The following PLGRKT variants were observed in gnomAD, a reference collection of about 807,000 sequenced individuals.
PLGRKT encodes plasminogen receptor with a C-terminal lysine.
Under a neutral mutation model 18.5 loss-of-function variants are expected in PLGRKT, and 22 were observed. The ratio of observed to expected loss-of-function variants is 1.19; its 90% CI spans 0.85 to 1.70. The LOEUF (loss-of-function observed/expected upper bound fraction) is 1.70, where lower values mean the gene tolerates loss of function less well. Ranked by LOEUF, PLGRKT falls within the 40% of genes most tolerant of loss-of-function variation. The pLI, the probability that PLGRKT is intolerant of heterozygous loss-of-function variation, is 0.00. For missense variants in PLGRKT, 235 were observed against 174.4 expected (o/e 1.35, Z -1.96); for synonymous variants, 72 against 52.8 (o/e 1.36, Z -1.58).
intron 3 of PLGRKT, among the ~76,000 whole-genome samples, chr9:5,368,015 G>A (rs1817432559): frequency 6.6e-6 from 1 of 152,112 alleles, no homozygotes; most frequent in Non-Finnish European, 1.5e-5. Flanking sequence ...TCAGGAAAAT[G>A]TGAATCAAAA....
chr9:5,361,288 C>T, intron 4 of PLGRKT, 101 bp from the exon 5 acceptor site: 1 of 642,114 alleles, frequency 1.6e-6, no homozygotes, highest in Non-Finnish European at 2.7e-6. Context: ...TGGAAGAATG[C>T]CTTTTCCTTC....
chr9:5,405,085 C>T (rs1277442909), intron 3 of PLGRKT, among the ~76,000 whole-genome samples: 1 of 152,032 alleles, frequency 6.6e-6, no homozygotes, highest in Non-Finnish European at 1.5e-5. Context: ...AGTGAAGGAC[C>T]TCTTCAATGA....
At chr9:5,365,589 G>C (rs1441871958) in intron 3 of PLGRKT, among the ~76,000 whole-genome samples, 1 of 152,118 alleles carries the variant, frequency 6.6e-6, no homozygotes, top group Non-Finnish European at 1.5e-5. Context: ...GAGACAAGAA[G>C]ACTAAATGTC....
intron 3 of PLGRKT, among the ~76,000 whole-genome samples, chr9:5,411,825 C>T (rs142901510): frequency 3.3e-4 from 51 of 152,242 alleles, no homozygotes; most frequent in African/African-American, 1.2e-3. Context: ...TTAAAATAGA[C>T]TTAAACAAAT....
At chr9:5,387,721 A>G (rs1424871435) in intron 3 of PLGRKT, among the ~76,000 whole-genome samples, 1 of 151,814 alleles carries the variant, frequency 6.6e-6, no homozygotes, top group Non-Finnish European at 1.5e-5. Context: ...GTACACAGGA[A>G]TAAACATCTG....
intron 3 of PLGRKT, among the ~76,000 whole-genome samples, chr9:5,403,204 T>G (rs969930699): frequency 6.6e-6 from 1 of 151,170 alleles, no homozygotes; most frequent in African/African-American, 2.5e-5. Context: ...GAGGTTGAGG[T>G]TGCTAAATGA....
At chr9:5,398,393 C>G (rs1818093260) in intron 3 of PLGRKT, among the ~76,000 whole-genome samples, 1 of 151,868 alleles carries the variant, frequency 6.6e-6, no homozygotes, top group Non-Finnish European at 1.5e-5. Flanking sequence ...ACAACCGATC[C>G]AAGGAGAGAA....
chr9:5,364,964 C>A (rs767362918), intron 3 of PLGRKT, among the ~76,000 whole-genome samples: 8 of 152,146 alleles, frequency 5.3e-5, no homozygotes, highest in Non-Finnish European at 7.3e-5. Context: ...ATATGCATAT[C>A]TATATGCATG....
At chr9:5,372,379 C>A (rs1280452832) in intron 3 of PLGRKT, among the ~76,000 whole-genome samples, 1 of 152,106 alleles carries the variant, frequency 6.6e-6, no homozygotes, top group Non-Finnish European at 1.5e-5. Flanking sequence ...TAATCTTCCC[C>A]CAAACCCTAT....
chr9:5,410,743 G>T (rs1035989112), intron 3 of PLGRKT, among the ~76,000 whole-genome samples: 1 of 152,068 alleles, frequency 6.6e-6, no homozygotes, highest in Non-Finnish European at 1.5e-5. Flanking sequence ...AAATTAAAAC[G>T]TTTCACTTCT....
At chr9:5,427,852 G>C (rs1381948323) in intron 3 of PLGRKT, among the ~76,000 whole-genome samples, 1 of 152,184 alleles carries the variant, frequency 6.6e-6, no homozygotes, top group East Asian at 1.9e-4. Flanking sequence ...AAGATTCCCA[G>C]AGATCTGGTA....
At chr9:5,382,098 C>G in intron 3 of PLGRKT, 1 of 723,816 alleles carries the variant, frequency 1.4e-6, no homozygotes, top group Non-Finnish European at 1.7e-6. Flanking sequence ...CAGAATTATT[C>G]CTATAATAAA....
chr9:5,415,278 T>C (rs551189913), intron 3 of PLGRKT, among the ~76,000 whole-genome samples: 1 of 152,160 alleles, frequency 6.6e-6, no homozygotes, highest in Non-Finnish European at 1.5e-5. Flanking sequence ...ATGGTACTAG[T>C]TTATAACCCA....
intron 3 of PLGRKT, among the ~76,000 whole-genome samples, chr9:5,378,291 T>G (rs1817670457): frequency 6.6e-6 from 1 of 152,188 alleles, no homozygotes; most frequent in South Asian, 2.1e-4. Flanking sequence ...GATGAGAACC[T>G]TCCTTCCCTA....
chr9:5,376,240 G>C (rs181204793), intron 3 of PLGRKT, among the ~76,000 whole-genome samples: 20 of 152,248 alleles, frequency 1.3e-4, no homozygotes, highest in African/African-American at 4.8e-4. Flanking sequence ...GGTTTCATTT[G>C]GTTACGATGG....
At chr9:5,435,833 C>T (rs1264401162) in intron 2 of PLGRKT, among the ~76,000 whole-genome samples, 2 of 152,202 alleles carry the variant, frequency 1.3e-5, no homozygotes, top group African/African-American at 2.4e-5. Flanking sequence ...AGTCTTAATT[C>T]ATTACAGCCA....
At chr9:5,397,909 T>G (rs1275933745) in intron 3 of PLGRKT, among the ~76,000 whole-genome samples, 1 of 151,882 alleles carries the variant, frequency 6.6e-6, no homozygotes, top group African/African-American at 2.4e-5. Flanking sequence ...TTTCTTCTCC[T>G]CCTTATTTCC....
chr9:5,433,483 A>T (rs1446274111), intron 2 of PLGRKT, among the ~76,000 whole-genome samples: 39 of 84,432 alleles, frequency 4.6e-4, no homozygotes, highest in African/African-American at 6.9e-4. Flanking sequence ...GCAAGGAGCG[A>T]CTCTGCCTGA....
chr9:5,407,349 CAAAGA>C (rs985970370), intron 3 of PLGRKT, among the ~76,000 whole-genome samples: 10 of 152,266 alleles, frequency 6.6e-5, no homozygotes, highest in African/African-American at 2.4e-4. Context: ...TTCATACACA[CAAAGA>C]AAACACCAAA....
Sources: gnomAD v4.1 joint callset for allele counts (sites outside exome capture counted in the v4.1 genomes callset) on GRCh38, gnomAD v4.1.1 for gene constraint, MANE v1.5 for transcripts, NCBI Gene and HGNC (gene_info 2026-07-23, HGNC 2026-07-21) for gene names.